Variants in ASPRV1 observed in about 807,000 individuals in gnomAD.
The protein encoded by ASPRV1 is retroviral-like aspartic protease 1.
A neutral mutation model predicts 11.0 loss-of-function variants in ASPRV1; 7 were observed. The ratio of observed to expected loss-of-function variants is 0.64; its 90% CI spans 0.36 to 1.20. ASPRV1 has a LOEUF of 1.20. Among genes scored for constraint, ASPRV1 ranks in the 50% most tolerant of loss-of-function variants. The pLI is 0.02. For synonymous variants in ASPRV1, 136 were observed against 138.4 expected (o/e 0.98, Z 0.12); for missense variants, 299 against 320.0 (o/e 0.93, Z 0.50).
the ASPRV1 span, among the ~76,000 whole-genome samples, chr2:70,043,036 C>T: frequency 2.0e-5 from 3 of 152,106 alleles, no homozygotes; most frequent in African/African-American, 7.2e-5. Context: ...GTAAAATATG[C>T]CCTTGGGGGA....
chr2:69,961,833 G>GTT (rs1189938268), upstream of ASPRV1: 2 of 876,966 alleles, frequency 2.3e-6, no homozygotes, highest in African/African-American at 3.4e-5. Flanking sequence ...GCCAGCCTCT[G>GTT]TTGAAGGGGG....
chr2:69,963,268 G>C (rs756232020), upstream of ASPRV1: 17 of 456,494 alleles, frequency 3.7e-5, 1 homozygote, highest in South Asian at 2.6e-4. Flanking sequence ...GAGGGGAAAT[G>C]GAGTCACCGA....
At chr2:69,982,135 G>A in the ASPRV1 span, among the ~76,000 whole-genome samples, 1 of 151,974 alleles carries the variant, frequency 6.6e-6, no homozygotes, top group South Asian at 2.1e-4. Flanking sequence ...CTTACAACAA[G>A]GATCTACTCT....
chr2:69,963,684 T>C (rs571874515), upstream of ASPRV1, among the ~76,000 whole-genome samples: 12 of 152,310 alleles, frequency 7.9e-5, no homozygotes, highest in South Asian at 2.5e-3. Context: ...CCTTGGGACC[T>C]CATTTGAGTG....
chr2:70,078,507 T>C, the ASPRV1 span, among the ~76,000 whole-genome samples: 2 of 152,164 alleles, frequency 1.3e-5, no homozygotes, highest in Non-Finnish European at 2.9e-5. Flanking sequence ...TTTCACTGAT[T>C]AAGTGACAGT....
the ASPRV1 span, among the ~76,000 whole-genome samples, chr2:69,945,850 G>A: frequency 1.3e-5 from 2 of 152,216 alleles, no homozygotes; most frequent in Non-Finnish European, 2.9e-5. Flanking sequence ...AAAAGGGCAG[G>A]GGCTTTTCTA....
the ASPRV1 span, chr2:70,053,606 A>C: frequency 6.6e-6 from 1 of 152,236 alleles, no homozygotes; most frequent in African/African-American, 2.4e-5. Context: ...GCTTATAGTT[A>C]AATATTCAGG....
At chr2:70,038,336 C>T in the ASPRV1 span, among the ~76,000 whole-genome samples, 2 of 152,120 alleles carry the variant, frequency 1.3e-5, no homozygotes, top group Non-Finnish European at 2.9e-5. Flanking sequence ...TGCTTGAGGC[C>T]AGTGGCCTGG....
the ASPRV1 span, among the ~76,000 whole-genome samples, chr2:69,983,534 G>A: frequency 3.3e-5 from 5 of 152,154 alleles, no homozygotes; most frequent in African/African-American, 9.7e-5. Context: ...CCTCCTGCTC[G>A]GGCCCAGCTA....
At chr2:69,989,768 C>G in the ASPRV1 span, among the ~76,000 whole-genome samples, 1 of 152,256 alleles carries the variant, frequency 6.6e-6, no homozygotes, top group Non-Finnish European at 1.5e-5. Context: ...TGTGCTGCCC[C>G]TAACCCATCT....
the ASPRV1 span, among the ~76,000 whole-genome samples, chr2:69,945,671 G>A: frequency 5.3e-5 from 8 of 152,214 alleles, no homozygotes; most frequent in South Asian, 2.1e-4. Flanking sequence ...TGAAGGCAGC[G>A]TGTCTGGTGA....
At chr2:70,018,688 CAA>C in the ASPRV1 span, among the ~76,000 whole-genome samples, 1 of 152,132 alleles carries the variant, frequency 6.6e-6, no homozygotes, top group Non-Finnish European at 1.5e-5. Flanking sequence ...ACAGCCTACT[CAA>C]TAAATGGTGC....
At chr2:69,939,589 C>G in the ASPRV1 span, 15 of 152,654 alleles carry the variant, frequency 9.8e-5, no homozygotes, top group South Asian at 3.1e-3. Flanking sequence ...TATAGATGTT[C>G]TAGAAACTTT....
the ASPRV1 span, among the ~76,000 whole-genome samples, chr2:70,073,696 C>T: frequency 1.3e-5 from 2 of 152,102 alleles, no homozygotes; most frequent in Non-Finnish European, 2.9e-5. Flanking sequence ...CAAGCCTCAA[C>T]CAAAGCATTG....
the ASPRV1 span, among the ~76,000 whole-genome samples, chr2:69,932,876 A>C: frequency 6.6e-6 from 1 of 152,192 alleles, no homozygotes; most frequent in Non-Finnish European, 1.5e-5. Flanking sequence ...AGCTGGCTGA[A>C]AAATATCTAA....
chr2:70,064,443 A>G, the ASPRV1 span, among the ~76,000 whole-genome samples: 1 of 152,240 alleles, frequency 6.6e-6, no homozygotes, highest in African/African-American at 2.4e-5. Context: ...TATGATAATT[A>G]ATGGCAATGC....
chr2:70,071,962 T>C, the ASPRV1 span, among the ~76,000 whole-genome samples: 1 of 151,230 alleles, frequency 6.6e-6, no homozygotes, highest in Non-Finnish European at 1.5e-5. Context: ...TTTCTTTTTT[T>C]TTTTTATGAG....
chr2:69,941,801 TTTC>T, the ASPRV1 span: 10 of 152,128 alleles, frequency 6.6e-5, no homozygotes, highest in African/African-American at 2.4e-4. Flanking sequence ...TGTGGGCTTA[TTTC>T]TTCTTGCCTC....
the ASPRV1 span, among the ~76,000 whole-genome samples, chr2:70,081,645 G>C: frequency 6.6e-6 from 1 of 151,824 alleles, no homozygotes; most frequent in Non-Finnish European, 1.5e-5. Flanking sequence ...GTGCAGTGAC[G>C]CGATCATGGC....
Sources: allele counts gnomAD v4.1 joint callset (sites outside exome capture counted in the v4.1 genomes callset), GRCh38; gene constraint gnomAD v4.1.1; transcripts MANE v1.5; gene names NCBI Gene and HGNC (gene_info 2026-07-23, HGNC 2026-07-21).